ELP5: variants seen among roughly 807,000 people sequenced by gnomAD.
ELP5 encodes the protein elongator complex protein 5.
In ELP5, 34 loss-of-function variants were observed where a neutral mutation model predicts 33.4. That is an observed-to-expected ratio of 1.02 (90% CI 0.78 to 1.36). ELP5 has a LOEUF of 1.36. ELP5 is among the 40% of genes most tolerant of loss of function. The pLI, the probability that ELP5 is intolerant of heterozygous loss-of-function variation, is 0.00. For missense variants in ELP5, 373 were observed against 371.7 expected (o/e 1.00, Z -0.03); for synonymous variants, 161 against 146.4 (o/e 1.10, Z -0.72).
intron 4 of ELP5, 137 bp downstream of exon 4, chr17:7,254,940 T>G (rs1278052078): frequency 1.1e-4 from 3 of 27,690 alleles, no homozygotes; most frequent in East Asian, 2.8e-4. Context: ...TTTTTGTCTG[T>G]TTTTTTTTTT....
chr17:7,254,687 C>G lies in ELP5; in HGVS notation c.293C>G (p.Thr98Arg), dbSNP rs1356516453. ...GCCTTGAGAGCCATGTGCAAGAGGA[C>G]AGATCCTGTTCCTGTCACCATTGCT... ...LGALRAMCKR[T>R]DPVPVTIALD... The change falls in exon 4 of 8, where the codon ACA becomes AGA. Residue 98 changes from threonine to arginine, a missense_variant. By Grantham distance (71) the Thr-to-Arg change is moderately conservative (BLOSUM62 -1). Transcript: ENST00000396628. 1 of 1,614,044 alleles carries G rather than the reference C, an allele frequency of 6.2e-7. No homozygotes were observed. The highest frequency in any genetic ancestry group is 8.5e-7 in the Non-Finnish European group (1 of 1,180,032).
At position 7,259,639 on chromosome 17, in the gene ELP5, A is replaced by T; in HGVS notation, c.857A>T (p.Tyr286Phe). 6.2e-7 allele frequency: 1 copy of T among 1,614,266 alleles called. No individual in the cohort carries two copies. ...CACATCTTCTATGAGCCAGATGCTT[A>T]TGATGACCTGGACCAAGAAGACCCA... ...TSHIFYEPDAYDDLDQEDPDD... is the reference protein window; with the variant it reads ...TSHIFYEPDAFDDLDQEDPDD... Residue 286 changes from tyrosine (Y) to phenylalanine (F), a missense_variant, in exon 8 of 8, where the codon TAT (tyrosine) becomes TTT (phenylalanine). Tyr to Phe is a conservative substitution (Grantham distance 22, BLOSUM62 3). Coordinates refer to ENST00000396628, the MANE Select transcript of ELP5 (RefSeq NM_203414.3).
intron 3 of ELP5, among the ~76,000 whole-genome samples, chr17:7,253,995 CAAAA>C (rs569972376): frequency 2.5e-5 from 2 of 80,984 alleles, no homozygotes; most frequent in Non-Finnish European, 5.2e-5. Flanking sequence ...AACTCTGTCT[CAAAA>C]AAAAAAAAAA....
chr17:7,258,503 G>T, intron 5 of ELP5, 85 bp from the exon 6 acceptor site: 1 of 1,288,270 alleles, frequency 7.8e-7, no homozygotes, highest in Non-Finnish European at 1.1e-6. Context: ...TTAAATAGGT[G>T]ATTGGGGGCT....
At chr17:7,254,939 GT>G (rs5819150) in intron 4 of ELP5, 136 bp downstream of exon 4, 266,808 of 523,556 alleles carry the variant, frequency 0.51, 31,061 homozygotes, top group African/African-American at 0.72. Context: ...TTTTTTGTCT[GT>G]TTTTTTTTTT....
chr17:7,253,306 T>C (rs971711367), intron 3 of ELP5, among the ~76,000 whole-genome samples: 9 of 152,198 alleles, frequency 5.9e-5, no homozygotes, highest in African/African-American at 2.2e-4. Context: ...GAGCACCAAC[T>C]ATCAACCAGG....
intron 7 of ELP5, 56 bp from the exon 8 acceptor site, chr17:7,259,515 G>A: frequency 6.2e-7 from 1 of 1,603,126 alleles, no homozygotes; most frequent in Admixed American, 1.7e-5. Context: ...CTGGAAGAAA[G>A]TATCCAGACC....
At position 7,252,752 on chromosome 17, in the gene ELP5, C is replaced by G; in HGVS notation, c.47-18C>G. 2 of 1,614,044 alleles carry G rather than the reference C, an allele frequency of 1.2e-6. No homozygotes were observed. The highest frequency in any genetic ancestry group is 1.7e-6 in the Non-Finnish European group (2 of 1,179,988). On this transcript the variant is annotated intron_variant, in intron 1 of 7. Coordinates refer to ENST00000396628, the MANE Select transcript of ELP5 (RefSeq NM_203414.3). ...ATCCCAGCGCTCTCATACCCTTTAT[C>G]CGTCCCTCGCTCTGCAGATTCCGTG...
At chr17:7,258,084 G>A (rs949295461) in intron 5 of ELP5, among the ~76,000 whole-genome samples, 9 of 151,356 alleles carry the variant, frequency 5.9e-5, no homozygotes, top group Non-Finnish European at 4.4e-5. Context: ...GGAGTAAGTG[G>A]GCTGCTCTGC....
chr17:7,258,473 CA>C (rs1382132979), intron 5 of ELP5, 114 bp from the exon 6 acceptor site: 1 of 936,010 alleles, frequency 1.1e-6, no homozygotes, highest in Non-Finnish European at 1.6e-6. Context: ...AAGTTGAGGG[CA>C]GGAGCTGAAA....
chr17:7,252,170 G>A (rs1463165532), upstream of ELP5: 17 of 357,994 alleles, frequency 4.7e-5, no homozygotes, highest in Admixed American at 9.2e-5. Context: ...GGCCTGAGGC[G>A]AAGCAGGCCC....
chr17:7,256,864 C>T lies in ELP5; in HGVS notation c.417C>T (p.Ser139=), dbSNP rs149682847. 495 of 1,614,216 alleles carry T rather than the reference C, an allele frequency of 3.1e-4. No individual in the cohort carries two copies. In the African/African-American group the frequency reaches 5.1e-3, roughly 17 times the overall value. The part of the protein sequence containing the change: ...VSHQDSCPGD[S]SSVGKVSVLG... The stretch of plus-strand genomic sequence containing the variant: ...TTTCTTGTCCTCCTCTAGGTGACAG[C>T]TCCTCAGTGGGGAAAGTGAGTGTGC... Residue 139 remains serine (S), a synonymous_variant, in exon 5 of 8, where the codon AGC becomes AGT. Coordinates refer to ENST00000396628, the MANE Select transcript of ELP5 (RefSeq NM_203414.3).
In ELP5 at chr17:7,257,053, C is replaced by T. The variant is rs1270712971; in HGVS notation, c.591+15C>T. 6.5e-7 allele frequency: 1 copy of T among 1,536,804 alleles called. No individual in the cohort carries two copies. Among genetic ancestry groups the T allele is most frequent in the South Asian group, 1.2e-5 (1 of 81,762 alleles). The stretch of plus-strand genomic sequence containing the variant: ...CAACTGACCAGGTCAGAAGAACCAA[C>T]AGAGAAGGACTGGAAACGGGGGACA... On this transcript the variant is annotated intron_variant, in intron 5 of 7. Transcript: ENST00000396628.
chr17:7,259,358 T>TAA, intron 7 of ELP5: 1 of 1,407,896 alleles, frequency 7.1e-7, no homozygotes, highest in South Asian at 1.6e-5. Flanking sequence ...GCTAGGAACT[T>TAA]ACGGTTTTAT....
Position 7,257,035 on chromosome 17 carries a change from C to A in ELP5, c.588C>A (p.Asp196Glu), listed in dbSNP as rs780668358. ...GGAGGCCCCGACAGCGCCCAACTGACCAGGTCAGAAGAACCAACAGAGAAG... is the reference window on the plus strand; with the variant it reads ...GGAGGCCCCGACAGCGCCCAACTGAACAGGTCAGAAGAACCAACAGAGAAG... ...LCRRPRQRPT[D>E]QTQWFSILPD... The change falls in exon 5 of 8, where the codon GAC becomes GAA. Residue 196 changes from aspartate to glutamate, a missense_variant. By Grantham distance (45) the Asp-to-Glu change is conservative. Coordinates refer to ENST00000396628, the MANE Select transcript of ELP5 (RefSeq NM_203414.3). The A allele has an allele frequency of 6.3e-7, 1 of 1,581,664 alleles. No homozygotes were observed. The highest frequency in any genetic ancestry group is 8.6e-7 in the Non-Finnish European group (1 of 1,166,870).
At chr17:7,253,536 C>T (rs933768200) in intron 3 of ELP5, among the ~76,000 whole-genome samples, 1 of 152,154 alleles carries the variant, frequency 6.6e-6, no homozygotes, top group Non-Finnish European at 1.5e-5. Flanking sequence ...AGTTCCTAAA[C>T]CCAGCGGCAT....
intron 6 of ELP5, 44 bp downstream of exon 6, chr17:7,258,727 T>G: frequency 6.2e-7 from 1 of 1,614,076 alleles, no homozygotes. Flanking sequence ...TGTAGTTTAG[T>G]ATCTGGTCAC....
In ELP5 at chr17:7,252,988, A is replaced by G. The variant is rs774678450; in HGVS notation, c.178A>G (p.Ile60Val). Residue 60 changes from isoleucine to valine, a missense_variant, in exon 3 of 8, where the codon ATC becomes GTC. Ile to Val is a conservative substitution (Grantham distance 29). Transcript: ENST00000396628. ...GTTTCGTGAAGGTTTTGACTCTGAT[A>G]TCAACAATCGGTAAGTACCAGTTGG... is the stretch of plus-strand genomic sequence containing the variant. ...EEFREGFDSD[I>V]NNRLVYHDFF... 2.5e-6 allele frequency: 4 copies of G among 1,614,192 alleles called. No homozygotes were observed. The highest frequency in any genetic ancestry group is 3.4e-6 in the Non-Finnish European group (4 of 1,180,012).
chr17:7,251,898 T>C (rs1246490477), upstream of ELP5: 1 of 155,230 alleles, frequency 6.4e-6, no homozygotes, highest in African/African-American at 2.4e-5. Flanking sequence ...GGGGGTCCTT[T>C]AGCCGCTGGG....
Sources: gnomAD v4.1 joint callset for allele counts (sites outside exome capture counted in the v4.1 genomes callset) on GRCh38, gnomAD v4.1.1 for gene constraint, MANE v1.5 for transcripts, NCBI Gene and HGNC (gene_info 2026-07-23, HGNC 2026-07-21) for gene names.